The following GRID2 variants were observed in gnomAD, a reference collection of about 807,000 sequenced individuals.
The protein encoded by GRID2 is glutamate ionotropic receptor delta type subunit 2.
GRID2 carries 33 observed loss-of-function variants against 114.8 expected under a neutral mutation model. The observed-to-expected ratio is 0.29, with a 90% CI of 0.22 to 0.38. The LOEUF is 0.38. Ranked by LOEUF, GRID2 falls within the 10% of genes least tolerant of loss-of-function variation. The probability of loss-of-function intolerance (pLI) is 1.00; values close to 1 mark genes in which losing one functional copy is unlikely to be tolerated. For missense variants in GRID2, 1,184 were observed against 1,257.7 expected (o/e 0.94, Z 0.89); for synonymous variants, 505 against 449.9 (o/e 1.12, Z -1.55).
At chr4:93,064,969 G>T (rs1728163013) in intron 2 of GRID2, among the ~76,000 whole-genome samples, 1 of 151,752 alleles carries the variant, frequency 6.6e-6, no homozygotes, top group Admixed American at 6.6e-5. Flanking sequence ...TTTTATAAAT[G>T]GAAATGATAC....
At chr4:92,853,522 C>T (rs934655461) in intron 2 of GRID2, among the ~76,000 whole-genome samples, 2 of 151,898 alleles carry the variant, frequency 1.3e-5, no homozygotes, top group Non-Finnish European at 1.5e-5. Context: ...CATTTTATCT[C>T]ACCAGAATTT....
At chr4:93,085,982 T>A (rs1028194266) in intron 3 of GRID2, among the ~76,000 whole-genome samples, 3 of 152,156 alleles carry the variant, frequency 2.0e-5, no homozygotes, top group Non-Finnish European at 4.4e-5. Flanking sequence ...AAAATAATAT[T>A]TTTGTTTACA....
intron 1 of GRID2, among the ~76,000 whole-genome samples, chr4:92,309,885 T>G (rs1373548174): frequency 6.6e-6 from 1 of 151,952 alleles, no homozygotes; most frequent in African/African-American, 2.4e-5. Context: ...CATTAGTGAA[T>G]AAAGTAGTTT....
chr4:92,840,664 A>G (rs1742822972), intron 2 of GRID2, among the ~76,000 whole-genome samples: 1 of 152,016 alleles, frequency 6.6e-6, no homozygotes, highest in Admixed American at 6.6e-5. Context: ...GCTTTCATTG[A>G]GCAGCTTCTT....
At chr4:92,811,805 A>C (rs957221961) in intron 2 of GRID2, among the ~76,000 whole-genome samples, 1 of 152,122 alleles carries the variant, frequency 6.6e-6, no homozygotes, top group Non-Finnish European at 1.5e-5. Context: ...TCATTGAACA[A>C]ATGTCTGTTA....
At chr4:93,284,616 C>A (rs1449357455) in intron 8 of GRID2, among the ~76,000 whole-genome samples, 1 of 151,710 alleles carries the variant, frequency 6.6e-6, no homozygotes, top group Non-Finnish European at 1.5e-5. Flanking sequence ...CCCCACTCCA[C>A]CTTGTTTGAA....
chr4:93,517,924 A>G, intron 13 of GRID2, among the ~76,000 whole-genome samples: 1 of 119,634 alleles, frequency 8.4e-6, no homozygotes, highest in African/African-American at 2.9e-5. Flanking sequence ...GTATGTATAT[A>G]CTATATATGT....
intron 2 of GRID2, among the ~76,000 whole-genome samples, chr4:92,906,126 TAAAC>T (rs539398263): frequency 2.0e-5 from 3 of 152,184 alleles, no homozygotes; most frequent in Admixed American, 6.5e-5. Context: ...TGTAGAAAAA[TAAAC>T]ATAGTGCCTC....
At chr4:92,635,328 A>T (rs1209209873) in intron 2 of GRID2, among the ~76,000 whole-genome samples, 1 of 152,110 alleles carries the variant, frequency 6.6e-6, no homozygotes, top group Non-Finnish European at 1.5e-5. Context: ...ATATGCTCTC[A>T]GTTGCCCTTA....
intron 14 of GRID2, among the ~76,000 whole-genome samples, chr4:93,717,309 G>GT (rs1220441334): frequency 6.6e-6 from 1 of 151,948 alleles, no homozygotes; most frequent in Non-Finnish European, 1.5e-5. Context: ...TTTAAAGTTG[G>GT]TTTTTTATTG....
Position 93,168,315 on chromosome 4 carries a change from T to A in GRID2, c.736-39089T>A, listed in dbSNP as rs573128206. Among the ~76,000 whole-genome samples, 51 of 152,034 alleles carry A rather than the reference T, an allele frequency of 3.4e-4. 1 individual carries two copies. The highest frequency in any genetic ancestry group is 1.1e-3 in the African/African-American group (47 of 41,502). ...AGAAAGAAAGAGAAAGAAAGACTTT[T>A]GTTAATATTTCAAATTCACCATAAT... On this transcript the variant is annotated intron_variant, in intron 4 of 15. Coordinates refer to ENST00000282020, the MANE Select transcript of GRID2 (RefSeq NM_001510.4).
chr4:93,489,125 T>C (rs1202427203), intron 11 of GRID2, among the ~76,000 whole-genome samples: 1 of 152,026 alleles, frequency 6.6e-6, no homozygotes, highest in Non-Finnish European at 1.5e-5. Context: ...CCTAATACAT[T>C]GTTATTTTTA....
intron 13 of GRID2, among the ~76,000 whole-genome samples, chr4:93,615,293 C>A (rs1053718670): frequency 6.6e-6 from 1 of 152,166 alleles, no homozygotes; most frequent in Non-Finnish European, 1.5e-5. Context: ...CTAAATATAT[C>A]TAAGGTGTCC....
chr4:93,248,793 T>A (rs920375452), intron 8 of GRID2, among the ~76,000 whole-genome samples: 1 of 152,150 alleles, frequency 6.6e-6, no homozygotes, highest in African/African-American at 2.4e-5. Context: ...AATGCATAAT[T>A]GGAATTGTAA....
At chr4:92,423,157 A>T (rs75518253) in intron 1 of GRID2, among the ~76,000 whole-genome samples, 177 of 152,284 alleles carry the variant, frequency 1.2e-3, no homozygotes, top group Non-Finnish European at 1.8e-3. Context: ...CAAACTGGGA[A>T]TCTAGCTGAT....
At chr4:93,043,688 C>G (rs1268373687) in intron 2 of GRID2, among the ~76,000 whole-genome samples, 1 of 150,524 alleles carries the variant, frequency 6.6e-6, no homozygotes, top group Non-Finnish European at 1.5e-5. Flanking sequence ...ATCTGCTTAT[C>G]ATAGGTATGC....
intron 2 of GRID2, among the ~76,000 whole-genome samples, chr4:92,830,860 A>C (rs1386946882): frequency 6.6e-6 from 1 of 152,162 alleles, no homozygotes; most frequent in Non-Finnish European, 1.5e-5. Context: ...GTATTGCAAT[A>C]ATTCATTGTG....
At chr4:92,916,210 T>C (rs931313152) in intron 2 of GRID2, among the ~76,000 whole-genome samples, 1 of 152,100 alleles carries the variant, frequency 6.6e-6, no homozygotes, top group East Asian at 1.9e-4. Context: ...TGTTTTACAT[T>C]TAAGACTTTA....
intron 8 of GRID2, among the ~76,000 whole-genome samples, chr4:93,311,020 G>C (rs929619731): frequency 2.0e-4 from 31 of 152,126 alleles, no homozygotes; most frequent in African/African-American, 7.5e-4. Context: ...AACTCAGAGG[G>C]TTAGTATAAA....
Sources: gnomAD v4.1 joint callset for allele counts (sites outside exome capture counted in the v4.1 genomes callset) on GRCh38, gnomAD v4.1.1 for gene constraint, MANE v1.5 for transcripts, NCBI Gene and HGNC (gene_info 2026-07-23, HGNC 2026-07-21) for gene names.